The following CREB5 variants were observed in gnomAD, a reference collection of about 807,000 sequenced individuals.
CREB5 encodes cAMP responsive element binding protein 5.
A neutral mutation model predicts 57.1 loss-of-function variants in CREB5; 19 were observed. The ratio of observed to expected loss-of-function variants is 0.33; its 90% CI spans 0.23 to 0.49. The LOEUF (loss-of-function observed/expected upper bound fraction) is 0.49. Among genes scored for constraint, CREB5 ranks in the 20% least tolerant of loss-of-function variants. CREB5 has a pLI of 0.99. For synonymous variants in CREB5, 238 were observed against 238.3 expected (o/e 1.00, Z 0.01); for missense variants, 579 against 671.6 (o/e 0.86, Z 1.52).
intron 7 of CREB5, among the ~76,000 whole-genome samples, chr7:28,780,172 A>G (rs1203007976): frequency 6.6e-6 from 1 of 152,136 alleles, no homozygotes; most frequent in East Asian, 1.9e-4. Context: ...ACACATCGTC[A>G]GCCCTGTTTG....
At chr7:28,461,941 T>C (rs1004824586) in intron 1 of CREB5, among the ~76,000 whole-genome samples, 3 of 152,176 alleles carry the variant, frequency 2.0e-5, no homozygotes, top group African/African-American at 7.2e-5. Flanking sequence ...TATGCTCTTT[T>C]AAAGTATACA....
chr7:28,641,284 C>A (rs1335067384), intron 5 of CREB5, among the ~76,000 whole-genome samples: 5 of 152,070 alleles, frequency 3.3e-5, no homozygotes, highest in Non-Finnish European at 7.4e-5. Context: ...CAAGGACCAC[C>A]CCCCCATCGG....
intron 1 of CREB5, among the ~76,000 whole-genome samples, chr7:28,315,999 G>T (rs1457529616): frequency 6.6e-6 from 1 of 152,096 alleles, no homozygotes; most frequent in Non-Finnish European, 1.5e-5. Flanking sequence ...GGAGTTTTTC[G>T]GCAAGTGCTG....
At chr7:28,744,451 G>A (rs189180589) in intron 7 of CREB5, among the ~76,000 whole-genome samples, 36 of 144,972 alleles carry the variant, frequency 2.5e-4, no homozygotes, top group South Asian at 2.0e-3. Context: ...ACGTTCAAGC[G>A]ATTCTCGTGC....
chr7:28,625,913 A>G lies in CREB5; in HGVS notation c.464+55376A>G, dbSNP rs139231832. 1.5e-3 allele frequency among the ~76,000 whole-genome samples: 230 copies of G among 152,348 alleles called. 4 individuals carry two copies. The East Asian group carries it at 0.036, about 24-fold the overall frequency. The stretch of plus-strand genomic sequence containing the variant: ...ATAATAGTACATGCATTTTAGTGAA[A>G]TAACTACTGTAAGAGTCTTTTAAAA... On this transcript the variant is annotated intron_variant, in intron 5 of 10. Transcript: ENST00000357727.
chr7:28,496,944 G>A (rs990648721), intron 3 of CREB5, among the ~76,000 whole-genome samples: 6 of 152,122 alleles, frequency 3.9e-5, no homozygotes, highest in East Asian at 3.8e-4. Flanking sequence ...TTTTGTATCC[G>A]TTATGTTCTA....
chr7:28,555,445 C>T (rs551857686), intron 4 of CREB5, among the ~76,000 whole-genome samples: 5 of 152,260 alleles, frequency 3.3e-5, no homozygotes, highest in South Asian at 2.1e-4. Context: ...TTTAAAAAGG[C>T]GTTTTGTACT....
intron 5 of CREB5, among the ~76,000 whole-genome samples, chr7:28,637,238 T>C (rs568356138): frequency 6.6e-6 from 1 of 152,180 alleles, no homozygotes; most frequent in Admixed American, 6.6e-5. Flanking sequence ...ATTCATATTA[T>C]AATTCAAATT....
chr7:28,780,891 CAT>C (rs1806935880), intron 7 of CREB5, among the ~76,000 whole-genome samples: 1 of 137,552 alleles, frequency 7.3e-6, no homozygotes, highest in Non-Finnish European at 1.7e-5. Flanking sequence ...TGTAGTTTTG[CAT>C]TTAAGATGAC....
At chr7:28,387,253 T>C (rs1299046545) in intron 1 of CREB5, among the ~76,000 whole-genome samples, 1 of 152,196 alleles carries the variant, frequency 6.6e-6, no homozygotes, top group Non-Finnish European at 1.5e-5. Context: ...TTTTTTGACT[T>C]TTTATTAATA....
intron 5 of CREB5, among the ~76,000 whole-genome samples, chr7:28,661,871 T>A (rs73081898): frequency 0.19 from 28,742 of 152,188 alleles, 3,374 homozygotes; most frequent in East Asian, 0.47. Context: ...ATTGTAAACA[T>A]TATAAATGAC....
Position 28,804,389 on chromosome 7 carries a change from C to A in CREB5, c.893C>A (p.Ala298Glu). ...TACCCACACCAGCACCAGCACCCAG[C>A]ACACCATCCTCACCCTCAACCCCAT... is the stretch of plus-strand genomic sequence containing the variant. Reference protein sequence around the residue: ...HPYPHQHQHPAHHPHPQPHHQ... With the variant: ...HPYPHQHQHPEHHPHPQPHHQ... Residue 298 changes from alanine (A) to glutamate (E), a missense_variant, in exon 8 of 11, where the codon GCA becomes GAA. Physicochemically the swap from Ala to Glu is moderately radical, Grantham distance 107. Transcript: ENST00000357727. 1 of 1,613,848 alleles carries A rather than the reference C, an allele frequency of 6.2e-7. No homozygotes were observed. Among genetic ancestry groups the A allele is most frequent in the Non-Finnish European group, 8.5e-7 (1 of 1,179,896 alleles).
chr7:28,588,739 T>C (rs1796389320), intron 5 of CREB5, among the ~76,000 whole-genome samples: 1 of 152,184 alleles, frequency 6.6e-6, no homozygotes, highest in Non-Finnish European at 1.5e-5. Context: ...TATGACACAA[T>C]GTGCGGCGAT....
intron 7 of CREB5, among the ~76,000 whole-genome samples, chr7:28,776,337 C>CAAAAAA (rs397720790): frequency 8.7e-6 from 1 of 114,504 alleles, no homozygotes. Flanking sequence ...GACTCTGTCT[C>CAAAAAA]AAAAAAAAAA....
chr7:28,560,987 T>TGTGTGCGCGTGTGCGCGCGTGC (rs1795231729), intron 4 of CREB5, among the ~76,000 whole-genome samples: 2 of 64,492 alleles, frequency 3.1e-5, no homozygotes, highest in East Asian at 1.1e-3. Context: ...TGTGCGTGCG[T>TGTGTGCGCGTGTGCGCGCGTGC]GTGTGTGCCT....
chr7:28,502,130 A>G (rs143824326), intron 3 of CREB5, among the ~76,000 whole-genome samples: 354 of 152,346 alleles, frequency 2.3e-3, no homozygotes, highest in African/African-American at 8.0e-3. Flanking sequence ...GCAGGGAAAC[A>G]GTAACATCAG....
chr7:28,498,535 T>C (rs751866812), intron 3 of CREB5, among the ~76,000 whole-genome samples: 6 of 152,214 alleles, frequency 3.9e-5, no homozygotes, highest in Non-Finnish European at 8.8e-5. Context: ...AATAATTTCA[T>C]AGCTTTGTCA....
intron 1 of CREB5, among the ~76,000 whole-genome samples, chr7:28,366,968 G>A (rs1027105663): frequency 1.3e-5 from 2 of 152,106 alleles, no homozygotes; most frequent in African/African-American, 4.8e-5. Context: ...AGGCTGAAAG[G>A]GTTTGGAGAG....
At chr7:28,327,504 A>G (rs1335500117) in intron 1 of CREB5, among the ~76,000 whole-genome samples, 4 of 152,216 alleles carry the variant, frequency 2.6e-5, no homozygotes, top group Non-Finnish European at 2.9e-5. Context: ...ATTTGAATTA[A>G]AATTCATTTA....
Sources: gnomAD v4.1 joint callset for allele counts (sites outside exome capture counted in the v4.1 genomes callset) on GRCh38, gnomAD v4.1.1 for gene constraint, MANE v1.5 for transcripts, NCBI Gene and HGNC (gene_info 2026-07-23, HGNC 2026-07-21) for gene names.